RBFOX1: variants seen among roughly 807,000 people sequenced by gnomAD.
The protein encoded by RBFOX1 is RNA binding protein fox-1 homolog 1.
Under a neutral mutation model 57.7 loss-of-function variants are expected in RBFOX1, and 8 were observed. The ratio of observed to expected loss-of-function variants is 0.14; its 90% CI spans 0.08 to 0.25. The LOEUF is 0.25. Ranked by LOEUF, RBFOX1 falls within the 10% of genes least tolerant of loss-of-function variation. The pLI, the probability that RBFOX1 is intolerant of heterozygous loss-of-function variation, is 1.00. For missense variants in RBFOX1, 611 were observed against 548.5 expected (o/e 1.11, Z -1.14); for synonymous variants, 326 against 222.4 (o/e 1.47, Z -4.15).
intron 4 of RBFOX1, among the ~76,000 whole-genome samples, chr16:5,941,514 G>A (rs2059277475): frequency 6.6e-6 from 1 of 151,894 alleles, no homozygotes; most frequent in African/African-American, 2.4e-5. Flanking sequence ...AGGTAAAAGA[G>A]GCTTGGAAAA....
At chr16:5,962,776 T>G (rs939773798) in intron 4 of RBFOX1, among the ~76,000 whole-genome samples, 19 of 152,134 alleles carry the variant, frequency 1.2e-4, no homozygotes, top group African/African-American at 4.6e-4. Context: ...GTCATTCGCT[T>G]TTCAGTAATC....
chr16:7,379,856 C>T (rs1236327580), intron 4 of RBFOX1, among the ~76,000 whole-genome samples: 1 of 151,814 alleles, frequency 6.6e-6, no homozygotes, highest in Non-Finnish European at 1.5e-5. Flanking sequence ...CTTTTCTCTT[C>T]CTTTTCTTTC....
At chr16:5,933,061 T>C (rs2059098316) in intron 4 of RBFOX1, among the ~76,000 whole-genome samples, 1 of 152,166 alleles carries the variant, frequency 6.6e-6, no homozygotes, top group African/African-American at 2.4e-5. Flanking sequence ...CAGCCTTAGG[T>C]GGGGGCAGAC....
chr16:7,173,405 G>A (rs59606582), intron 4 of RBFOX1, among the ~76,000 whole-genome samples: 33,205 of 151,958 alleles, frequency 0.22, 5,902 homozygotes, highest in African/African-American at 0.48. Flanking sequence ...AAACAACAGG[G>A]TATACGTATA....
intron 10 of RBFOX1, among the ~76,000 whole-genome samples, chr16:7,609,011 G>A (rs1047922893): frequency 2.0e-5 from 3 of 152,204 alleles, no homozygotes; most frequent in Non-Finnish European, 2.9e-5. Flanking sequence ...GGGACACACA[G>A]AACATGGCAT....
intron 3 of RBFOX1, among the ~76,000 whole-genome samples, chr16:6,989,013 TC>T (rs372381264): frequency 1.3e-4 from 20 of 152,168 alleles, no homozygotes; most frequent in African/African-American, 4.8e-4. Context: ...TCCACCCCCC[TC>T]GGACTCCCAA....
At chr16:6,386,358 T>A (rs930289063) in intron 2 of RBFOX1, among the ~76,000 whole-genome samples, 10 of 149,894 alleles carry the variant, frequency 6.7e-5, no homozygotes, top group Non-Finnish European at 1.3e-4. Flanking sequence ...GTGTGAGCCT[T>A]TCTTTAACCA....
intron 3 of RBFOX1, among the ~76,000 whole-genome samples, chr16:6,877,043 A>T (rs139796017): frequency 6.6e-6 from 1 of 152,218 alleles, no homozygotes; most frequent in Non-Finnish European, 1.5e-5. Context: ...TTAAATATTC[A>T]TATGTATATT....
At chr16:5,365,168 G>C (rs111922131) in intron 1 of RBFOX1, among the ~76,000 whole-genome samples, 48 of 152,220 alleles carry the variant, frequency 3.2e-4, no homozygotes, top group African/African-American at 1.1e-3. Flanking sequence ...ACATCCCTAA[G>C]TACCGCTTCG....
intron 3 of RBFOX1, among the ~76,000 whole-genome samples, chr16:6,772,423 TGC>T (rs887886677): frequency 4.1e-4 from 58 of 140,742 alleles, no homozygotes; most frequent in African/African-American, 1.6e-3. Context: ...TGTGCGCACG[TGC>T]GTGTGTGTGT....
At chr16:6,649,281 A>T (rs1322638174) in intron 2 of RBFOX1, among the ~76,000 whole-genome samples, 1 of 152,108 alleles carries the variant, frequency 6.6e-6, no homozygotes, top group Non-Finnish European at 1.5e-5. Flanking sequence ...TTCCTTCTTT[A>T]TTAAGGCTGA....
intron 2 of RBFOX1, among the ~76,000 whole-genome samples, chr16:6,626,831 G>A (rs975387104): frequency 1.3e-5 from 2 of 152,148 alleles, no homozygotes; most frequent in African/African-American, 4.8e-5. Context: ...CAGTGAGGCT[G>A]TGTTGTAAAC....
intron 1 of RBFOX1, among the ~76,000 whole-genome samples, chr16:6,206,167 C>A (rs2097254018): frequency 6.6e-6 from 1 of 152,110 alleles, no homozygotes; most frequent in Non-Finnish European, 1.5e-5. Context: ...ATTTGAGCCT[C>A]CTCTCTTGCC....
intron 3 of RBFOX1, among the ~76,000 whole-genome samples, chr16:7,028,448 G>A (rs1427260862): frequency 3.3e-5 from 5 of 151,654 alleles, no homozygotes; most frequent in Non-Finnish European, 5.9e-5. Context: ...TTAGCTGGGC[G>A]TGGTGGCTCA....
At chr16:5,705,735 G>T (rs1452001652) in intron 3 of RBFOX1, among the ~76,000 whole-genome samples, 1 of 152,166 alleles carries the variant, frequency 6.6e-6, no homozygotes, top group Non-Finnish European at 1.5e-5. Context: ...AGCAAAGCAG[G>T]TGGGCTTTTA....
chr16:7,050,721 G>A (rs187132059), intron 3 of RBFOX1, among the ~76,000 whole-genome samples: 2 of 152,140 alleles, frequency 1.3e-5, no homozygotes, highest in African/African-American at 4.8e-5. Flanking sequence ...TTTCTAAATG[G>A]TACATGTTAT....
At chr16:5,444,313 G>T (rs576906511) in intron 1 of RBFOX1, among the ~76,000 whole-genome samples, 2 of 152,164 alleles carry the variant, frequency 1.3e-5, no homozygotes, top group Non-Finnish European at 2.9e-5. Context: ...ATTCAAATCT[G>T]ATCACTCAGA....
chr16:5,326,082 G>A (rs1596527553), intron 1 of RBFOX1, among the ~76,000 whole-genome samples: 1 of 152,020 alleles, frequency 6.6e-6, no homozygotes, highest in East Asian at 1.9e-4. Context: ...AGACAGCAGT[G>A]TATGAGAGTT....
intron 2 of RBFOX1, among the ~76,000 whole-genome samples, chr16:6,601,596 C>T (rs1306179700): frequency 2.0e-5 from 3 of 152,118 alleles, no homozygotes; most frequent in Non-Finnish European, 2.9e-5. Flanking sequence ...GACCACTGTT[C>T]CTCCATCCTA....
Sources: gnomAD v4.1 joint callset for allele counts (sites outside exome capture counted in the v4.1 genomes callset) on GRCh38, gnomAD v4.1.1 for gene constraint, MANE v1.5 for transcripts, NCBI Gene and HGNC (gene_info 2026-07-23, HGNC 2026-07-21) for gene names.